Variants in CD38 observed in about 807,000 individuals in gnomAD.
The protein encoded by CD38 is ADP-ribosyl cyclase/cyclic ADP-ribose hydrolase 1.
In CD38, 31 loss-of-function variants were observed where a neutral mutation model predicts 36.3. That is an observed-to-expected ratio of 0.85 (90% CI 0.64 to 1.15). The LOEUF is 1.15. CD38 is among the 50% of genes most tolerant of loss of function. The pLI is 0.00. For missense variants in CD38, 380 were observed against 371.9 expected, an observed-to-expected ratio of 1.02 and a Z score of -0.18; for synonymous variants, 131 against 135.2, an observed-to-expected ratio of 0.97 and a Z score of 0.22.
At chr4:15,779,579 C>G (rs1293049333) in intron 1 of CD38, among the ~76,000 whole-genome samples, 1 of 152,138 alleles carries the variant, frequency 6.6e-6, no homozygotes, top group Non-Finnish European at 1.5e-5. Flanking sequence ...TCCGAGGAAA[C>G]GAGCAAATAG....
intron 1 of CD38, among the ~76,000 whole-genome samples, chr4:15,812,510 A>G (rs1352897655): frequency 1.3e-5 from 2 of 152,164 alleles, no homozygotes; most frequent in Non-Finnish European, 2.9e-5. Flanking sequence ...AGCCTGGCCA[A>G]CCTGGTAAAA....
chr4:15,839,449 C>T (rs1054436761), intron 5 of CD38, among the ~76,000 whole-genome samples: 5 of 109,616 alleles, frequency 4.6e-5, no homozygotes, highest in South Asian at 2.9e-4. Flanking sequence ...TTTGAGATGG[C>T]GTCTCGCTCT....
At chr4:15,828,093 C>G (rs1472261880) in intron 3 of CD38, among the ~76,000 whole-genome samples, 1 of 152,180 alleles carries the variant, frequency 6.6e-6, no homozygotes, top group African/African-American at 2.4e-5. Flanking sequence ...CAATTCACTG[C>G]AACCTTGACC....
At chr4:15,781,935 G>T (rs1722706700) in intron 1 of CD38, among the ~76,000 whole-genome samples, 1 of 152,168 alleles carries the variant, frequency 6.6e-6, no homozygotes. Context: ...GTTTGACTGG[G>T]ATCAGCTGAG....
chr4:15,840,644 G>C (rs1560321171), intron 7 of CD38, 106 bp downstream of exon 7: 2 of 655,456 alleles, frequency 3.1e-6, no homozygotes, highest in Non-Finnish European at 5.4e-6. Context: ...AATCTTTCTT[G>C]GGCCTTGATG....
In CD38 at chr4:15,840,448, C is replaced by T; in HGVS notation, c.753-4C>T. ...ATTTTAATACTTTCTTCTTTCTTCC[C>T]CAGAGACTTATGCCAGGATCCCACC... On this transcript the variant is annotated splice_polypyrimidine_tract_variant and splice_region_variant and intron_variant, in intron 6 of 7. Transcript: ENST00000226279. 6.4e-7 allele frequency: 1 copy of T among 1,572,618 alleles called. No individual in the cohort carries two copies. The highest frequency in any genetic ancestry group is 1.1e-5 in the South Asian group (1 of 87,890).
In CD38 at chr4:15,778,662, A is replaced by G. The variant is rs1229358706; in HGVS notation, c.233+15A>G. On this transcript the variant is annotated intron_variant, in intron 1 of 7. Coordinates refer to ENST00000226279, the MANE Select transcript of CD38 (RefSeq NM_001775.4). This position sits in a 1 kb window ranked among gnomAD's most constrained non-coding sequence, Gnocchi z 4.9. ...CCTGAGATGAGGTGGGTTGGCGACT[A>G]AGGCGCACCGGTGGGCACTGCGGGG... is the stretch of plus-strand genomic sequence containing the variant. 6.4e-7 allele frequency: 1 copy of G among 1,571,636 alleles called. No individual in the cohort carries two copies. Among genetic ancestry groups the G allele is most frequent in the South Asian group, 1.1e-5 (1 of 90,210 alleles).
chr4:15,828,663 T>A (rs1181125735), intron 3 of CD38, among the ~76,000 whole-genome samples: 1 of 152,244 alleles, frequency 6.6e-6, no homozygotes, highest in Non-Finnish European at 1.5e-5. Context: ...TTCTTTCTTT[T>A]TAAAGTCTGA....
chr4:15,798,801 A>C (rs1223963008), intron 1 of CD38, among the ~76,000 whole-genome samples: 1 of 152,170 alleles, frequency 6.6e-6, no homozygotes, highest in South Asian at 2.1e-4. Flanking sequence ...TAATTCCCTG[A>C]TCATTAACAT....
chr4:15,778,686 G>T lies in CD38; in HGVS notation c.233+39G>T. ...TAAGGCGCACCGGTGGGCACTGCGG[G>T]GACAGCAGGGCCCCGCGCGCAGGGA... On this transcript the variant is annotated intron_variant, in intron 1 of 7. Transcript: ENST00000226279. The surrounding 1 kb of genome is among the most constrained non-coding windows in gnomAD (Gnocchi z 4.9). The T allele has an allele frequency of 5.7e-6, 8 of 1,394,350 alleles. No homozygotes were observed. The highest frequency in any genetic ancestry group is 8.1e-6 in the Non-Finnish European group (8 of 986,490). The allele number at this position is 1,394,350 out of a possible 1,614,324, so 86.4% of individuals were successfully genotyped here.
chr4:15,805,487 C>T (rs2148919517), intron 1 of CD38, among the ~76,000 whole-genome samples: 1 of 152,232 alleles, frequency 6.6e-6, no homozygotes, highest in Non-Finnish European at 1.5e-5. Context: ...ATTTTTTTCT[C>T]ATAGAACTCA....
At chr4:15,785,073 G>A (rs1019860216) in intron 1 of CD38, among the ~76,000 whole-genome samples, 7 of 150,802 alleles carry the variant, frequency 4.6e-5, no homozygotes, top group Non-Finnish European at 1.0e-4. Context: ...AAAAATCTCA[G>A]GTGCACCTGA....
chr4:15,834,272 T>C lies in CD38; in HGVS notation c.555T>C (p.Val185=). 1 of 1,613,028 alleles carries C rather than the reference T, an allele frequency of 6.2e-7. No homozygotes were observed. The highest frequency in any genetic ancestry group is 1.1e-5 in the South Asian group (1 of 91,070). ...GAAAGGACTGCAGCAACAACCCTGT[T>C]TCAGTATTCTGGAAAACGGTTTCCC... ...DWRKDCSNNP[V]SVFWKTVSRR... The change falls in exon 4 of 8, where the codon GTT becomes GTC. Residue 185 remains valine (V), a synonymous_variant. Coordinates refer to ENST00000226279, the MANE Select transcript of CD38 (RefSeq NM_001775.4).
chr4:15,830,014 C>A (rs1342824092), intron 3 of CD38, among the ~76,000 whole-genome samples: 2 of 152,110 alleles, frequency 1.3e-5, no homozygotes, highest in Non-Finnish European at 1.5e-5. Flanking sequence ...TAGGTTGTTT[C>A]CATATCTTGG....
At position 15,848,659 on chromosome 4, in the gene CD38, A is replaced by G. The variant is rs1019608887; in HGVS notation, c.*57A>G. On this transcript the variant is annotated 3_prime_UTR_variant, in exon 8 of 8. Transcript: ENST00000226279. ...CTCCTTGTGGTTTATGTCATCATACATGACTCAGCATACCTGCTGGTGCAG... is the reference window on the plus strand; with the variant it reads ...CTCCTTGTGGTTTATGTCATCATACGTGACTCAGCATACCTGCTGGTGCAG... The G allele has an allele frequency of 1.5e-5, 21 of 1,383,712 alleles. No homozygotes were observed. In the East Asian group the frequency reaches 2.5e-4, roughly 17 times the overall value. 85.7% of individuals were successfully genotyped at this position (1,383,712 alleles called of 1,614,324 possible). A position where few individuals can be genotyped will look rare whatever the true frequency, so the allele number is the denominator to read the frequency against.
intron 1 of CD38, among the ~76,000 whole-genome samples, chr4:15,814,618 T>C (rs6820423): frequency 0.039 from 5,991 of 152,222 alleles, 383 homozygotes; most frequent in African/African-American, 0.13. Flanking sequence ...AATTTTTGTA[T>C]AAGGTGTAAA....
intron 1 of CD38, among the ~76,000 whole-genome samples, chr4:15,788,013 A>C (rs924479959): frequency 5.9e-5 from 9 of 152,226 alleles, no homozygotes; most frequent in Non-Finnish European, 1.2e-4. Flanking sequence ...GGGTAAGAGA[A>C]CAGCTGCCTT....
intron 1 of CD38, among the ~76,000 whole-genome samples, chr4:15,793,795 AAGT>A (rs1325709959): frequency 6.6e-6 from 1 of 152,216 alleles, no homozygotes; most frequent in Non-Finnish European, 1.5e-5. Flanking sequence ...TATGTTTTGA[AAGT>A]AGGTTCCATG....
chr4:15,825,072 C>T, intron 3 of CD38, 56 bp downstream of exon 3: 2 of 1,539,480 alleles, frequency 1.3e-6, no homozygotes, highest in Admixed American at 2.0e-5. Context: ...AACAGAGTGA[C>T]TTCTGCTGGA....
Sources: allele counts gnomAD v4.1 joint callset (sites outside exome capture counted in the v4.1 genomes callset), GRCh38; gene constraint gnomAD v4.1.1; non-coding constraint Gnocchi (gnomAD v3.1); transcripts MANE v1.5; gene names NCBI Gene and HGNC (gene_info 2026-07-23, HGNC 2026-07-21).